The following PLCL1 variants were observed in gnomAD, a reference collection of about 807,000 sequenced individuals.
PLCL1 encodes inactive phospholipase C-like protein 1.
In PLCL1, 41 loss-of-function variants were observed where a neutral mutation model predicts 84.4. The ratio of observed to expected loss-of-function variants is 0.49; its 90% CI spans 0.38 to 0.63. The LOEUF (loss-of-function observed/expected upper bound fraction) is 0.63. Ranked by LOEUF, PLCL1 falls within the 30% of genes least tolerant of loss-of-function variation. The probability of loss-of-function intolerance (pLI) is 0.00; values close to 1 mark genes in which losing one functional copy is unlikely to be tolerated. For missense variants in PLCL1, 1,206 were observed against 1,367.8 expected (o/e 0.88, Z 1.87); for synonymous variants, 490 against 488.3 (o/e 1.00, Z -0.05).
chr2:197,883,385 A>G (rs1384844374), intron 1 of PLCL1, among the ~76,000 whole-genome samples: 1 of 152,178 alleles, frequency 6.6e-6, no homozygotes, highest in African/African-American at 2.4e-5. Flanking sequence ...CGAAGTTTTT[A>G]CTGTACAAAG....
At chr2:197,970,978 G>A (rs1356542) in intron 1 of PLCL1, among the ~76,000 whole-genome samples, 1 of 152,080 alleles carries the variant, frequency 6.6e-6, no homozygotes, top group Non-Finnish European at 1.5e-5. Context: ...ATATCATATT[G>A]TGATGTTATG....
intron 5 of PLCL1, among the ~76,000 whole-genome samples, chr2:198,112,335 G>T (rs1291406870): frequency 6.6e-6 from 1 of 151,848 alleles, no homozygotes; most frequent in African/African-American, 2.4e-5. Flanking sequence ...TACCAAAGCA[G>T]AAGACCAGAC....
chr2:197,863,636 T>C (rs1687474393), intron 1 of PLCL1, among the ~76,000 whole-genome samples: 1 of 152,194 alleles, frequency 6.6e-6, no homozygotes, highest in Non-Finnish European at 1.5e-5. Context: ...TATCATAAAA[T>C]TTCCTTTTAT....
At chr2:198,030,878 T>C (rs549025832) in intron 1 of PLCL1, among the ~76,000 whole-genome samples, 1 of 152,280 alleles carries the variant, frequency 6.6e-6, no homozygotes, top group South Asian at 2.1e-4. Context: ...TGTTGTAATA[T>C]AGAAGGCAGA....
In PLCL1 at chr2:198,077,355, T is replaced by TA. The variant is rs534465792; in HGVS notation, c.241-6394dup. Among the ~76,000 whole-genome samples, 107 of 150,950 alleles carry TA rather than the reference T, an allele frequency of 7.1e-4. 3 individuals are homozygous for TA. The South Asian group carries it at 0.013, about 19-fold the overall frequency. ...ATAATAATAAAAAATAATAATAATT[T>TA]AAAAAAAAAGGAACATAAGACATTC... On this transcript the variant is annotated intron_variant, in intron 1 of 5. Transcript: ENST00000428675.
chr2:198,110,372 C>T (rs184234656), intron 5 of PLCL1, among the ~76,000 whole-genome samples: 3 of 151,976 alleles, frequency 2.0e-5, no homozygotes, highest in African/African-American at 4.8e-5. Flanking sequence ...CTCACTTCTC[C>T]GTGTGTAGTT....
intron 1 of PLCL1, among the ~76,000 whole-genome samples, chr2:197,911,743 G>A (rs1688488491): frequency 6.6e-6 from 1 of 152,132 alleles, no homozygotes; most frequent in African/African-American, 2.4e-5. Flanking sequence ...TATTCACTAG[G>A]ATAATAGATC....
chr2:197,836,308 G>A (rs973670723), intron 1 of PLCL1, among the ~76,000 whole-genome samples: 8 of 151,710 alleles, frequency 5.3e-5, no homozygotes, highest in South Asian at 2.1e-4. Flanking sequence ...TTAGCCGGGC[G>A]TAGTGGTGGG....
intron 1 of PLCL1, among the ~76,000 whole-genome samples, chr2:197,967,248 G>C (rs1379310119): frequency 2.0e-5 from 3 of 152,106 alleles, no homozygotes; most frequent in African/African-American, 7.2e-5. Context: ...CCAGGCTGAA[G>C]TGCAGTGGCA....
intron 3 of PLCL1, among the ~76,000 whole-genome samples, chr2:198,090,480 T>A (rs1010668337): frequency 3.3e-5 from 5 of 152,142 alleles, no homozygotes; most frequent in African/African-American, 1.2e-4. Flanking sequence ...AAGATGAAGA[T>A]TTTGTCATTA....
chr2:197,926,920 G>C (rs1008244719), intron 1 of PLCL1, among the ~76,000 whole-genome samples: 2 of 152,172 alleles, frequency 1.3e-5, no homozygotes, highest in Non-Finnish European at 2.9e-5. Flanking sequence ...GTTCATGGTG[G>C]TTGTCTTATT....
At chr2:198,037,490 A>G (rs1258618696) in intron 1 of PLCL1, among the ~76,000 whole-genome samples, 1 of 152,064 alleles carries the variant, frequency 6.6e-6, no homozygotes. Context: ...TTTCCATCGC[A>G]CTCTTGAAAT....
intron 5 of PLCL1, among the ~76,000 whole-genome samples, chr2:198,117,987 A>C (rs1693784668): frequency 1.3e-5 from 2 of 151,870 alleles, no homozygotes; most frequent in African/African-American, 2.4e-5. Context: ...TATATGTGTT[A>C]TATCATAGGC....
intron 1 of PLCL1, among the ~76,000 whole-genome samples, chr2:197,972,038 C>T (rs967124619): frequency 3.9e-5 from 6 of 152,166 alleles, no homozygotes; most frequent in Admixed American, 3.9e-4. Flanking sequence ...ATCCTCCTCC[C>T]TGGGTTAGGC....
chr2:198,019,113 A>C (rs1282852501), intron 1 of PLCL1, among the ~76,000 whole-genome samples: 2 of 152,196 alleles, frequency 1.3e-5, no homozygotes, highest in Non-Finnish European at 2.9e-5. Flanking sequence ...GACCCCCAGC[A>C]AACTCCAGCA....
At chr2:198,140,804 G>C (rs1694368650) in intron 5 of PLCL1, among the ~76,000 whole-genome samples, 3 of 151,790 alleles carry the variant, frequency 2.0e-5, no homozygotes, top group Admixed American at 1.3e-4. Flanking sequence ...TTTTTCTTGA[G>C]AATTAGATTC....
chr2:198,100,488 G>T (rs1323083524), intron 3 of PLCL1, among the ~76,000 whole-genome samples: 4 of 152,080 alleles, frequency 2.6e-5, no homozygotes, highest in Admixed American at 6.6e-5. Flanking sequence ...CTAATAGAAA[G>T]AAATGTGTGG....
At chr2:198,011,303 G>A (rs922083172) in intron 1 of PLCL1, among the ~76,000 whole-genome samples, 8 of 151,696 alleles carry the variant, frequency 5.3e-5, no homozygotes, top group Non-Finnish European at 1.2e-4. Flanking sequence ...AGTTTTGTAT[G>A]TTGTGTTTTT....
intron 1 of PLCL1, among the ~76,000 whole-genome samples, chr2:198,040,074 A>G (rs1691624741): frequency 6.6e-6 from 1 of 152,218 alleles, no homozygotes; most frequent in South Asian, 2.1e-4. Context: ...ATACGACTTG[A>G]TACCAAATCC....
Sources: allele counts gnomAD v4.1 joint callset (sites outside exome capture counted in the v4.1 genomes callset), GRCh38; gene constraint gnomAD v4.1.1; transcripts MANE v1.5; gene names NCBI Gene and HGNC (gene_info 2026-07-23, HGNC 2026-07-21).